ARHGAP15: variants seen among roughly 807,000 people sequenced by gnomAD.
ARHGAP15 encodes the protein Rho GTPase activating protein 15.
Under a neutral mutation model 63.7 loss-of-function variants are expected in ARHGAP15, and 51 were observed. That is an observed-to-expected ratio of 0.80 (90% CI 0.64 to 1.01). The LOEUF (loss-of-function observed/expected upper bound fraction) is 1.01, where lower values mean the gene tolerates loss of function less well. Ranked by LOEUF, ARHGAP15 falls within the 50% of genes least tolerant of loss-of-function variation. ARHGAP15 has a pLI of 0.00. For missense variants in ARHGAP15, 560 were observed against 564.6 expected, an observed-to-expected ratio of 0.99 and a Z score of 0.08; for synonymous variants, 191 against 193.8, an observed-to-expected ratio of 0.99 and a Z score of 0.12.
chr2:143,597,082 T>G (rs1697546917), intron 11 of ARHGAP15, among the ~76,000 whole-genome samples: 1 of 152,074 alleles, frequency 6.6e-6, no homozygotes, highest in Non-Finnish European at 1.5e-5. Flanking sequence ...CCTATTCTTG[T>G]CCTCTTCCTA....
intron 1 of ARHGAP15, among the ~76,000 whole-genome samples, chr2:143,133,632 G>T (rs1036246760): frequency 2.6e-5 from 4 of 152,142 alleles, no homozygotes; most frequent in Non-Finnish European, 4.4e-5. Context: ...ATTTGATGAA[G>T]GCCTTTTGTT....
At chr2:143,186,437 T>G (rs2105080181) in intron 2 of ARHGAP15, among the ~76,000 whole-genome samples, 1 of 152,312 alleles carries the variant, frequency 6.6e-6, no homozygotes, top group South Asian at 2.1e-4. Flanking sequence ...CATGTCCTTT[T>G]TGCATGTGAC....
intron 12 of ARHGAP15, among the ~76,000 whole-genome samples, chr2:143,642,127 A>AC (rs764891677): frequency 2.0e-5 from 3 of 152,104 alleles, no homozygotes; most frequent in Non-Finnish European, 4.4e-5. Flanking sequence ...TATGTTTGTA[A>AC]ATATTTATAT....
At chr2:143,206,395 T>C (rs1574090092) in intron 3 of ARHGAP15, among the ~76,000 whole-genome samples, 1 of 152,312 alleles carries the variant, frequency 6.6e-6, no homozygotes, top group East Asian at 1.9e-4. Context: ...CATTAATAAA[T>C]ATATGCCTAA....
chr2:143,506,130 A>G (rs1021111427), intron 9 of ARHGAP15, among the ~76,000 whole-genome samples: 2 of 152,218 alleles, frequency 1.3e-5, no homozygotes, highest in Admixed American at 1.3e-4. Flanking sequence ...ATCTATGCTG[A>G]TATTAGGAAA....
intron 11 of ARHGAP15, among the ~76,000 whole-genome samples, chr2:143,588,839 T>C (rs576655520): frequency 1.3e-4 from 20 of 152,334 alleles, no homozygotes; most frequent in Admixed American, 1.3e-3. Context: ...AACCCTCTGC[T>C]TTTTGGATTG....
intron 12 of ARHGAP15, among the ~76,000 whole-genome samples, chr2:143,660,466 C>A (rs1337104402): frequency 6.6e-6 from 1 of 152,184 alleles, no homozygotes; most frequent in East Asian, 1.9e-4. Context: ...AGTGGTTTAA[C>A]CTGTCTAAGA....
chr2:143,464,474 A>G (rs1691108521), intron 8 of ARHGAP15, among the ~76,000 whole-genome samples: 1 of 152,312 alleles, frequency 6.6e-6, no homozygotes, highest in South Asian at 2.1e-4. Flanking sequence ...TAACATGGCA[A>G]ACATTGCCTT....
chr2:143,388,256 A>G lies in ARHGAP15; in HGVS notation c.475-47345A>G, dbSNP rs1478223737. ...AGTGTTCAAAGAAGCTGTCATTTGT[A>G]TGAAAACCAAAGGTGAATGCTTTGC... On this transcript the variant is annotated intron_variant, in intron 6 of 13. Coordinates refer to ENST00000295095, the MANE Select transcript of ARHGAP15 (RefSeq NM_018460.4). 2.0e-5 allele frequency among the ~76,000 whole-genome samples: 3 copies of G among 152,356 alleles called. No individual in the cohort carries two copies. The East Asian group carries it at 5.8e-4, about 29-fold the overall frequency.
At chr2:143,153,562 T>C (rs1246943888) in intron 1 of ARHGAP15, among the ~76,000 whole-genome samples, 1 of 151,944 alleles carries the variant, frequency 6.6e-6, no homozygotes. Context: ...TGCAAGTGTT[T>C]AAAGTATACA....
At chr2:143,625,196 G>A (rs778949283) in intron 12 of ARHGAP15, among the ~76,000 whole-genome samples, 4 of 151,870 alleles carry the variant, frequency 2.6e-5, no homozygotes, top group South Asian at 2.1e-4. Context: ...AAATCCTAAC[G>A]AGACAAATCT....
intron 6 of ARHGAP15, among the ~76,000 whole-genome samples, chr2:143,395,328 T>C (rs1687712272): frequency 6.6e-6 from 1 of 152,090 alleles, no homozygotes; most frequent in African/African-American, 2.4e-5. Flanking sequence ...TCAATAGAAA[T>C]GTTCCAGCCC....
intron 6 of ARHGAP15, among the ~76,000 whole-genome samples, chr2:143,312,487 AAAAG>A (rs1365827502): frequency 6.6e-6 from 1 of 152,168 alleles, no homozygotes; most frequent in Non-Finnish European, 1.5e-5. Context: ...AAAAGAAAAA[AAAAG>A]CATGTTCAAA....
chr2:143,296,730 A>G (rs1682647489), intron 6 of ARHGAP15, among the ~76,000 whole-genome samples: 1 of 151,906 alleles, frequency 6.6e-6, no homozygotes, highest in African/African-American at 2.4e-5. Flanking sequence ...TGCATAGGTA[A>G]ACGTGTGTCA....
At chr2:143,153,310 C>A (rs1689909151) in intron 1 of ARHGAP15, among the ~76,000 whole-genome samples, 1 of 151,812 alleles carries the variant, frequency 6.6e-6, no homozygotes, top group Non-Finnish European at 1.5e-5. Context: ...CCCTTGAAGG[C>A]ACTCAGAGGA....
intron 9 of ARHGAP15, among the ~76,000 whole-genome samples, chr2:143,492,277 T>C (rs1202691550): frequency 6.6e-6 from 1 of 152,100 alleles, no homozygotes; most frequent in East Asian, 1.9e-4. Flanking sequence ...GATGCCTACA[T>C]CTCTACTTAA....
chr2:143,332,204 A>G (rs1343876367), intron 6 of ARHGAP15, among the ~76,000 whole-genome samples: 2 of 152,166 alleles, frequency 1.3e-5, no homozygotes, highest in Non-Finnish European at 2.9e-5. Context: ...ATACAAATAC[A>G]TTATTTCTTC....
At chr2:143,300,702 T>A (rs1682855654) in intron 6 of ARHGAP15, among the ~76,000 whole-genome samples, 1 of 152,030 alleles carries the variant, frequency 6.6e-6, no homozygotes, top group Non-Finnish European at 1.5e-5. Context: ...ACCAGTCTTG[T>A]CCCATAAATA....
chr2:143,314,595 C>G (rs1316840089), intron 6 of ARHGAP15: 1 of 151,990 alleles, frequency 6.6e-6, no homozygotes, highest in Non-Finnish European at 1.5e-5. Flanking sequence ...ATGAAACTTC[C>G]TGGTTTTCAA....
Sources: gnomAD v4.1 joint callset for allele counts (sites outside exome capture counted in the v4.1 genomes callset) on GRCh38, gnomAD v4.1.1 for gene constraint, MANE v1.5 for transcripts, NCBI Gene and HGNC (gene_info 2026-07-23, HGNC 2026-07-21) for gene names.